PES1: variants seen among roughly 807,000 people sequenced by gnomAD.
PES1 encodes pescadillo homolog.
Under a neutral mutation model 77.1 loss-of-function variants are expected in PES1, and 31 were observed. That is an observed-to-expected ratio of 0.40 (90% CI 0.30 to 0.54). The LOEUF is 0.54. Among genes scored for constraint, PES1 ranks in the 20% least tolerant of loss-of-function variants. PES1 has a pLI of 0.45. For synonymous variants in PES1, 282 were observed against 303.0 expected (o/e 0.93, Z 0.72); for missense variants, 658 against 771.7 (o/e 0.85, Z 1.75).
In PES1 at chr22:30,589,174, G is replaced by A. The variant is rs755055635; in HGVS notation, c.104+17C>T. 1.2e-5 allele frequency: 20 copies of A among 1,604,002 alleles called. No individual in the cohort carries two copies. Among genetic ancestry groups the A allele is most frequent in the Admixed American group, 8.4e-5 (5 of 59,628 alleles). The stretch of plus-strand genomic sequence containing the variant: ...GCAATTCACTGCCCGGGCTTCCCAC[G>A]GTCCCTCTATATTCACCTAAAGTCA... On this transcript the variant is annotated intron_variant, in intron 2 of 14. Transcript: ENST00000354694.
At chr22:30,580,211 C>T (rs2086962139) in intron 10 of PES1, 33 bp from the exon 11 acceptor site, 10 of 1,582,220 alleles carry the variant, frequency 6.3e-6, no homozygotes, top group Non-Finnish European at 8.6e-6. Flanking sequence ...CACGGGTACA[C>T]AGACATGAGC....
At chr22:30,584,518 G>T in intron 5 of PES1, 28 bp downstream of exon 5, 1 of 1,608,770 alleles carries the variant, frequency 6.2e-7, no homozygotes. Flanking sequence ...GGCAGGGTGG[G>T]ATGCCAGCCG....
intron 4 of PES1, among the ~76,000 whole-genome samples, chr22:30,585,996 C>G (rs2087082564): frequency 6.6e-6 from 1 of 152,196 alleles, no homozygotes; most frequent in South Asian, 2.1e-4. Flanking sequence ...TCCTCACTCT[C>G]CACCTCACAG....
intron 3 of PES1, 57 bp downstream of exon 3, chr22:30,587,964 T>A: frequency 5.1e-6 from 8 of 1,566,652 alleles, no homozygotes; most frequent in Non-Finnish European, 7.0e-6. Flanking sequence ...TCACAGTTAG[T>A]TAGTGGGTCA....
At chr22:30,587,429 G>A in intron 3 of PES1, 34 bp from the exon 4 acceptor site, 2 of 1,505,128 alleles carry the variant, frequency 1.3e-6, no homozygotes, top group South Asian at 1.1e-5. Flanking sequence ...TCAATGCTGA[G>A]GCTCAGGTCT....
intron 2 of PES1, among the ~76,000 whole-genome samples, chr22:30,601,155 C>G (rs1249103298): frequency 6.6e-6 from 1 of 151,974 alleles, no homozygotes; most frequent in Admixed American, 6.6e-5. Context: ...ACAAACCTGC[C>G]TAGATTCAAA....
chr22:30,602,856 A>G (rs1163646126), intron 2 of PES1, among the ~76,000 whole-genome samples: 1 of 152,146 alleles, frequency 6.6e-6, no homozygotes, highest in Non-Finnish European at 1.5e-5. Context: ...ATTTGATGAA[A>G]TGTCTTACTA....
At chr22:30,585,822 TAGC>T (rs1456621490) in intron 4 of PES1, among the ~76,000 whole-genome samples, 1 of 151,866 alleles carries the variant, frequency 6.6e-6, no homozygotes, top group African/African-American at 2.4e-5. Context: ...CAGCCCCAGA[TAGC>T]ATCACTCACT....
At chr22:30,582,762 C>T (rs766831936) in intron 6 of PES1, among the ~76,000 whole-genome samples, 1 of 152,144 alleles carries the variant, frequency 6.6e-6, no homozygotes, top group Non-Finnish European at 1.5e-5. Flanking sequence ...TCACTCACAC[C>T]GCCATCCTTC....
intron 3 of PES1, 83 bp from the exon 4 acceptor site, chr22:30,587,478 C>T (rs2087109356): frequency 3.9e-6 from 4 of 1,021,944 alleles, no homozygotes; most frequent in South Asian, 2.7e-5. Flanking sequence ...AAACGCAGGG[C>T]AGAAGGACTC....
chr22:30,589,268 A>G lies in PES1; in HGVS notation c.27T>C (p.Tyr9=), dbSNP rs2087141508. 6.2e-6 allele frequency: 10 copies of G among 1,613,034 alleles called. No individual in the cohort carries two copies. Among genetic ancestry groups the G allele is most frequent in the Non-Finnish European group, 8.5e-6 (10 of 1,179,398 alleles). Residue 9 remains tyrosine (Y), a splice_region_variant and synonymous_variant, in exon 2 of 15, where the codon TAT becomes TAC. Transcript: ENST00000354694. Reference sequence around the variant, plus strand: ...TGTAGTTGGTGGCCGAGCCTCGTTCATACTGGGAGAGGAAAAAAACAATTC... The same window carrying G: ...TGTAGTTGGTGGCCGAGCCTCGTTCGTACTGGGAGAGGAAAAAAACAATTC... MGGLEKKK[Y]ERGSATNYIT...
chr22:30,601,081 A>G (rs971396290), intron 2 of PES1, among the ~76,000 whole-genome samples: 3 of 152,106 alleles, frequency 2.0e-5, no homozygotes, highest in South Asian at 2.1e-4. Context: ...TGGAAGTTGC[A>G]TTTTCTTTTC....
At position 30,589,273 on chromosome 22, in the gene PES1, G is replaced by A. The variant is rs1459239439; in HGVS notation, c.25-3C>T. The A allele has an allele frequency of 1.2e-6, 2 of 1,611,852 alleles. No homozygotes were observed. Among genetic ancestry groups the A allele is most frequent in the Admixed American group, 1.7e-5 (1 of 59,754 alleles). ...TTGGTGGCCGAGCCTCGTTCATACTGGGAGAGGAAAAAAACAATTCTCCAT... is the reference window on the plus strand; with the variant it reads ...TTGGTGGCCGAGCCTCGTTCATACTAGGAGAGGAAAAAAACAATTCTCCAT... On this transcript the variant is annotated splice_polypyrimidine_tract_variant and splice_region_variant and intron_variant, in intron 1 of 14. Transcript: ENST00000354694.
rs1213499006 is a variant in PES1, at chr22:30,576,760, G to C, written c.*286C>G. ...AAGCCAGGATGAATGGGGGCAGTAG[G>C]TAGGGGGCTGGGTGGGCCTCTGCAC... On this transcript the variant is annotated 3_prime_UTR_variant, in exon 15 of 15. Coordinates refer to ENST00000354694, the MANE Select transcript of PES1 (RefSeq NM_014303.4). 1 of 479,372 alleles carries C rather than the reference G, an allele frequency of 2.1e-6. No individual in the cohort carries two copies. The highest frequency in any genetic ancestry group is 3.7e-6 in the Non-Finnish European group (1 of 267,440). The allele number at this position is 479,372 out of a possible 1,614,324, so 29.7% of individuals were successfully genotyped here. A position where few individuals can be genotyped will look rare whatever the true frequency, so the allele number is the denominator to read the frequency against.
upstream of PES1, among the ~76,000 whole-genome samples, chr22:30,596,896 C>T (rs988018111): frequency 7.2e-5 from 11 of 152,200 alleles, no homozygotes; most frequent in Admixed American, 2.0e-4. Context: ...CTGTGCGCGG[C>T]GCTTGCGGGC....
chr22:30,590,546 AAGTTG>A (rs1187796594), intron 1 of PES1, among the ~76,000 whole-genome samples: 1 of 152,192 alleles, frequency 6.6e-6, no homozygotes, highest in African/African-American at 2.4e-5. Flanking sequence ...CTGCCTTAAG[AAGTTG>A]AGTTTTCATT....
intron 6 of PES1, among the ~76,000 whole-genome samples, chr22:30,582,867 C>G (rs1247439272): frequency 6.6e-6 from 1 of 152,226 alleles, no homozygotes; most frequent in Non-Finnish European, 1.5e-5. Flanking sequence ...GCCCCTACAA[C>G]CAGCCTGAGT....
chr22:30,578,826 C>G lies in PES1; in HGVS notation c.1683+11G>C. On this transcript the variant is annotated intron_variant, in intron 14 of 14. Transcript: ENST00000354694. ...CCACACCTGGATCTCAAGTGGGTGG[C>G]AAGAACTCACCTCTCGGATTTTTCG... 6.2e-7 allele frequency: 1 copy of G among 1,612,000 alleles called. No individual in the cohort carries two copies. The highest frequency in any genetic ancestry group is 8.5e-7 in the Non-Finnish European group (1 of 1,179,890).
intron 2 of PES1, among the ~76,000 whole-genome samples, chr22:30,604,875 C>T (rs1032463783): frequency 6.6e-6 from 1 of 151,844 alleles, no homozygotes; most frequent in Non-Finnish European, 1.5e-5. Flanking sequence ...CCCAGGAGTT[C>T]AAAAATAAAA....
Sources: gnomAD v4.1 joint callset for allele counts (sites outside exome capture counted in the v4.1 genomes callset) on GRCh38, gnomAD v4.1.1 for gene constraint, MANE v1.5 for transcripts, NCBI Gene and HGNC (gene_info 2026-07-23, HGNC 2026-07-21) for gene names.